The following FHOD3 variants were observed in gnomAD, a reference collection of about 807,000 sequenced individuals.
FHOD3 encodes FH1/FH2 domain-containing protein 3.
A neutral mutation model predicts 173.0 loss-of-function variants in FHOD3; 90 were observed. That is an observed-to-expected ratio of 0.52 (90% confidence interval 0.44 to 0.62). The LOEUF is 0.62. FHOD3 is among the 20% of genes least tolerant of loss of function. The pLI, the probability that FHOD3 is intolerant of heterozygous loss-of-function variation, is 0.00. For missense variants in FHOD3, 1,945 were observed against 2,034.7 expected, an observed-to-expected ratio of 0.96 and a Z score of 0.85; for synonymous variants, 828 against 823.0, an observed-to-expected ratio of 1.01 and a Z score of -0.10.
Position 36,420,326 on chromosome 18 carries a change from G to T in FHOD3, c.337+47582G>T, listed in dbSNP as rs140876978. Reference sequence around the variant, plus strand: ...GTGGGCCAAAACTTACAACCTTGGAGTCATAAACCAGCTGTGAACACCCAG... The same window carrying T: ...GTGGGCCAAAACTTACAACCTTGGATTCATAAACCAGCTGTGAACACCCAG... On this transcript the variant is annotated intron_variant, in intron 3 of 28. Transcript: ENST00000590592. Among the ~76,000 whole-genome samples, 9 of 152,308 alleles carry T rather than the reference G, an allele frequency of 5.9e-5. No homozygotes were observed. The East Asian group carries it at 1.7e-3, about 29-fold the overall frequency.
At chr18:36,344,919 A>G (rs1187798441) in intron 1 of FHOD3, among the ~76,000 whole-genome samples, 1 of 152,222 alleles carries the variant, frequency 6.6e-6, no homozygotes, top group Non-Finnish European at 1.5e-5. Flanking sequence ...GGCAGGAAAT[A>G]TTACTAGAGA....
chr18:36,531,074 T>C (rs922133962), intron 5 of FHOD3, among the ~76,000 whole-genome samples: 18 of 152,192 alleles, frequency 1.2e-4, no homozygotes, highest in African/African-American at 4.3e-4. Flanking sequence ...GAAGGTGCCT[T>C]AGAGGCCTCC....
At chr18:36,717,540 C>T (rs571879848) in intron 18 of FHOD3, among the ~76,000 whole-genome samples, 11 of 152,222 alleles carry the variant, frequency 7.2e-5, no homozygotes, top group East Asian at 3.9e-4. Flanking sequence ...GGTCCTGACC[C>T]GCTGCCTTGG....
At chr18:36,355,513 G>T (rs1479161419) in intron 1 of FHOD3, 26 bp from the exon 2 acceptor site, 1 of 1,593,118 alleles carries the variant, frequency 6.3e-7, no homozygotes, top group Non-Finnish European at 8.6e-7. Flanking sequence ...GAGCAGGTTG[G>T]GTATAACAGG....
intron 28 of FHOD3, 37 bp downstream of exon 28, chr18:36,769,463 ACAG>A: frequency 6.2e-7 from 1 of 1,601,312 alleles, no homozygotes; most frequent in Non-Finnish European, 8.5e-7. Context: ...CTTCACCCCT[ACAG>A]GGATCTGCCC....
At chr18:36,434,282 T>A (rs1005753113) in intron 3 of FHOD3, among the ~76,000 whole-genome samples, 3 of 152,250 alleles carry the variant, frequency 2.0e-5, no homozygotes, top group African/African-American at 7.2e-5. Context: ...TGGATGTCTA[T>A]TAATAGTCGT....
At chr18:36,747,779 G>A (rs548747611) in intron 24 of FHOD3, among the ~76,000 whole-genome samples, 11 of 152,312 alleles carry the variant, frequency 7.2e-5, no homozygotes, top group African/African-American at 1.7e-4. Flanking sequence ...GTGGTAGCCC[G>A]AAGACTAGAA....
At chr18:36,433,010 G>GC (rs2050632376) in intron 3 of FHOD3, among the ~76,000 whole-genome samples, 1 of 152,146 alleles carries the variant, frequency 6.6e-6, no homozygotes, top group African/African-American at 2.4e-5. Flanking sequence ...AGGTGGATGT[G>GC]CTCAAACTCT....
chr18:36,422,411 T>C (rs1482414975), intron 3 of FHOD3, among the ~76,000 whole-genome samples: 3 of 152,250 alleles, frequency 2.0e-5, no homozygotes, highest in African/African-American at 7.2e-5. Flanking sequence ...CTGCTGTCTA[T>C]TCTTGGCCAT....
At chr18:36,616,232 C>G (rs576652701) in intron 9 of FHOD3, among the ~76,000 whole-genome samples, 5 of 152,212 alleles carry the variant, frequency 3.3e-5, no homozygotes, top group Non-Finnish European at 5.9e-5. Context: ...CTCACCACCA[C>G]GATCGGAACT....
intron 10 of FHOD3, among the ~76,000 whole-genome samples, chr18:36,645,419 CTCTG>C (rs1021434053): frequency 5.3e-5 from 8 of 151,810 alleles, no homozygotes; most frequent in African/African-American, 1.9e-4. Flanking sequence ...CAGAGTGAGA[CTCTG>C]TCTCAAAAAA....
chr18:36,520,791 A>C (rs575077331), intron 5 of FHOD3, among the ~76,000 whole-genome samples: 1 of 152,366 alleles, frequency 6.6e-6, no homozygotes, highest in African/African-American at 2.4e-5. Flanking sequence ...TTATTTGGCC[A>C]TTCCTACACA....
chr18:36,565,335 A>G (rs188089495), intron 5 of FHOD3, among the ~76,000 whole-genome samples: 5 of 152,334 alleles, frequency 3.3e-5, no homozygotes, highest in Non-Finnish European at 7.3e-5. Context: ...ATAAGGGGTG[A>G]GTGATACTAA....
chr18:36,554,247 T>G (rs941846562), intron 5 of FHOD3, among the ~76,000 whole-genome samples: 1 of 152,114 alleles, frequency 6.6e-6, no homozygotes, highest in Non-Finnish European at 1.5e-5. Context: ...CAAATGTCCA[T>G]CAATGATAGA....
intron 5 of FHOD3, among the ~76,000 whole-genome samples, chr18:36,513,681 G>A (rs1599458148): frequency 1.3e-5 from 2 of 151,930 alleles, no homozygotes; most frequent in South Asian, 4.2e-4. Context: ...GTTCTGTGGC[G>A]TTTTCCAGCC....
chr18:36,739,100 A>C (rs1036709312), intron 20 of FHOD3, among the ~76,000 whole-genome samples: 1 of 152,188 alleles, frequency 6.6e-6, no homozygotes, highest in Non-Finnish European at 1.5e-5. Context: ...CATAGGTATA[A>C]GCTACTCCCA....
intron 14 of FHOD3, among the ~76,000 whole-genome samples, chr18:36,670,878 T>C (rs181329021): frequency 6.6e-6 from 1 of 152,342 alleles, no homozygotes; most frequent in East Asian, 1.9e-4. Context: ...ATTAGCTTTG[T>C]TAGGCAGGAC....
chr18:36,503,694 T>C (rs116932233), intron 4 of FHOD3, among the ~76,000 whole-genome samples: 5,040 of 152,264 alleles, frequency 0.033, 122 homozygotes, highest in Non-Finnish European at 0.048. Flanking sequence ...GTGTGTTTGG[T>C]CCTCCCTAAC....
intron 20 of FHOD3, among the ~76,000 whole-genome samples, chr18:36,737,742 A>G (rs984209739): frequency 6.6e-6 from 1 of 152,204 alleles, no homozygotes; most frequent in South Asian, 2.1e-4. Context: ...GACCTCATCT[A>G]TCCCAGCCAG....
Sources: gnomAD v4.1 joint callset for allele counts (sites outside exome capture counted in the v4.1 genomes callset) on GRCh38, gnomAD v4.1.1 for gene constraint, MANE v1.5 for transcripts, NCBI Gene and HGNC (gene_info 2026-07-23, HGNC 2026-07-21) for gene names.